The following GRID1 variants were observed in gnomAD, a reference collection of about 807,000 sequenced individuals.
GRID1 encodes glutamate receptor ionotropic, delta-1.
Under a neutral mutation model 98.0 loss-of-function variants are expected in GRID1, and 28 were observed. The ratio of observed to expected loss-of-function variants is 0.29; its 90% CI spans 0.21 to 0.39. The LOEUF is 0.39. Among genes scored for constraint, GRID1 ranks in the 10% least tolerant of loss-of-function variants. The pLI, the probability that GRID1 is intolerant of heterozygous loss-of-function variation, is 1.00. For missense variants in GRID1, 1,111 were observed against 1,340.5 expected, an observed-to-expected ratio of 0.83 and a Z score of 2.67; for synonymous variants, 553 against 538.5, an observed-to-expected ratio of 1.03 and a Z score of -0.37.
chr10:86,171,432 T>C (rs1458794182), intron 3 of GRID1, among the ~76,000 whole-genome samples: 2 of 152,190 alleles, frequency 1.3e-5, no homozygotes, highest in African/African-American at 4.8e-5. Flanking sequence ...TAAGGAGGTA[T>C]TGAAGAAAGA....
rs116149364 is a variant in GRID1 at position 85,870,952 on chromosome 10, G to A, written c.781-1772C>T. Among the ~76,000 whole-genome samples, 869 of 152,180 alleles carry A rather than the reference G, an allele frequency of 5.7e-3. 8 individuals are homozygous for A. Among genetic ancestry groups the A allele is most frequent in the African/African-American group, 0.02 (825 of 41,530 alleles). ...TACATTTTTGAAAATCTCTGACTGC[G>A]GTAGGGCGAGAGGATTAGAGAGGAA... On this transcript the variant is annotated intron_variant, in intron 5 of 15. Coordinates refer to ENST00000327946, the MANE Select transcript of GRID1 (RefSeq NM_017551.3).
intron 6 of GRID1, among the ~76,000 whole-genome samples, chr10:85,862,058 C>A (rs1433075983): frequency 1.3e-5 from 2 of 152,198 alleles, no homozygotes; most frequent in Non-Finnish European, 2.9e-5. Flanking sequence ...CTCCAAGTTA[C>A]TTCCCAACTT....
intron 2 of GRID1, among the ~76,000 whole-genome samples, chr10:86,299,682 G>A (rs1402047747): frequency 6.6e-6 from 1 of 152,154 alleles, no homozygotes; most frequent in Non-Finnish European, 1.5e-5. Flanking sequence ...TGGATTGTGA[G>A]GGCTTAGCAG....
chr10:86,061,899 T>C (rs1325890811), intron 4 of GRID1, among the ~76,000 whole-genome samples: 2 of 152,152 alleles, frequency 1.3e-5, no homozygotes, highest in Non-Finnish European at 1.5e-5. Context: ...TTTCTTTCTC[T>C]AGTGATAAGC....
intron 15 of GRID1, among the ~76,000 whole-genome samples, chr10:85,604,192 TG>T: frequency 6.6e-6 from 1 of 152,280 alleles, no homozygotes; most frequent in East Asian, 1.9e-4. Context: ...ATATAGAAGG[TG>T]GGACCACTGC....
intron 8 of GRID1, among the ~76,000 whole-genome samples, chr10:85,837,207 C>T (rs1683410234): frequency 6.6e-6 from 1 of 152,146 alleles, no homozygotes; most frequent in African/African-American, 2.4e-5. Flanking sequence ...GATCCTCCCA[C>T]AACCTGAGCA....
intron 2 of GRID1, among the ~76,000 whole-genome samples, chr10:86,259,014 A>G (rs1846968657): frequency 6.6e-6 from 1 of 152,288 alleles, no homozygotes; most frequent in Non-Finnish European, 1.5e-5. Context: ...GCTAAGTTTC[A>G]TAACTGAACA....
intron 13 of GRID1, among the ~76,000 whole-genome samples, chr10:85,637,455 A>C (rs1843059503): frequency 6.6e-6 from 1 of 152,230 alleles, no homozygotes; most frequent in Non-Finnish European, 1.5e-5. Context: ...CAAGGCCTAT[A>C]GAACTCAGGA....
intron 5 of GRID1, among the ~76,000 whole-genome samples, chr10:85,905,377 A>G (rs1841445639): frequency 6.6e-6 from 1 of 151,970 alleles, no homozygotes; most frequent in Admixed American, 6.6e-5. Context: ...AAGAAATGTC[A>G]AAGGAAGTCT....
intron 2 of GRID1, among the ~76,000 whole-genome samples, chr10:86,274,427 G>C (rs1244270249): frequency 6.6e-6 from 1 of 152,216 alleles, no homozygotes; most frequent in African/African-American, 2.4e-5. Flanking sequence ...CTTTAAACTA[G>C]TTTTTTCCAA....
intron 5 of GRID1, among the ~76,000 whole-genome samples, chr10:85,901,970 T>C (rs1841395524): frequency 6.6e-6 from 1 of 152,232 alleles, no homozygotes; most frequent in Non-Finnish European, 1.5e-5. Flanking sequence ...GCATTTCCAG[T>C]AAATAGGGTT....
chr10:86,105,667 A>G (rs2131948018), intron 4 of GRID1, among the ~76,000 whole-genome samples: 1 of 152,322 alleles, frequency 6.6e-6, no homozygotes, highest in South Asian at 2.1e-4. Context: ...CTGTGTGCCA[A>G]GCACCAGAGC....
intron 3 of GRID1, among the ~76,000 whole-genome samples, chr10:86,191,087 C>A (rs1004294731): frequency 1.3e-5 from 2 of 152,166 alleles, no homozygotes; most frequent in African/African-American, 4.8e-5. Context: ...TCTGCTCAGG[C>A]CTGTTACATG....
At position 86,214,480 on chromosome 10, in the gene GRID1, C is replaced by A. The variant is rs539561352; in HGVS notation, c.236-7832G>T. On this transcript the variant is annotated intron_variant, in intron 2 of 15. Transcript: ENST00000327946. ...ACTAACAAACATTTGCCATGTTGGACTATTTTGTGTGGTCTCATTCTGCCC... is the reference window on the plus strand; with the variant it reads ...ACTAACAAACATTTGCCATGTTGGAATATTTTGTGTGGTCTCATTCTGCCC... 1.0e-3 allele frequency among the ~76,000 whole-genome samples: 154 copies of A among 152,326 alleles called. 2 individuals carry two copies. Among genetic ancestry groups the A allele is most frequent in the African/African-American group, 3.6e-3 (148 of 41,578 alleles).
chr10:85,874,884 G>C (rs1843313615), intron 5 of GRID1, among the ~76,000 whole-genome samples: 1 of 151,872 alleles, frequency 6.6e-6, no homozygotes, highest in Non-Finnish European at 1.5e-5. Flanking sequence ...TATTTATTTT[G>C]AGACAGAGTC....
chr10:85,898,191 T>C (rs1016118008), intron 5 of GRID1, among the ~76,000 whole-genome samples: 4 of 152,198 alleles, frequency 2.6e-5, no homozygotes, highest in African/African-American at 9.6e-5. Flanking sequence ...TGTATCTGAA[T>C]ATAGCTAGAC....
intron 2 of GRID1, among the ~76,000 whole-genome samples, chr10:86,244,636 A>G (rs2132044457): frequency 6.6e-6 from 1 of 152,346 alleles, no homozygotes; most frequent in African/African-American, 2.4e-5. Flanking sequence ...AGCGGCGAAC[A>G]CAAGAGGCAG....
chr10:86,210,443 G>A (rs908535635), intron 2 of GRID1, among the ~76,000 whole-genome samples: 4 of 152,324 alleles, frequency 2.6e-5, no homozygotes, highest in Admixed American at 6.5e-5. Flanking sequence ...CGAGAGCACT[G>A]ACTTAGGACG....
intron 2 of GRID1, among the ~76,000 whole-genome samples, chr10:86,330,375 C>G (rs572419693): frequency 6.6e-6 from 1 of 152,174 alleles, no homozygotes; most frequent in African/African-American, 2.4e-5. Flanking sequence ...CAAGTTTGGA[C>G]GCTGGGTCCA....
Sources: gnomAD v4.1 joint callset for allele counts (sites outside exome capture counted in the v4.1 genomes callset) on GRCh38, gnomAD v4.1.1 for gene constraint, MANE v1.5 for transcripts, NCBI Gene and HGNC (gene_info 2026-07-23, HGNC 2026-07-21) for gene names.